Variants in USP7 observed in about 807,000 individuals in gnomAD.
USP7 encodes ubiquitin specific peptidase 7, also known as ubiquitin C-terminal hydrolase 7.
Under a neutral mutation model 162.9 loss-of-function variants are expected in USP7, and 9 were observed. The ratio of observed to expected loss-of-function variants is 0.06; its 90% CI spans 0.03 to 0.10. USP7 has a LOEUF of 0.10. USP7 is among the 10% of genes least tolerant of loss of function. USP7 has a pLI of 1.00. For synonymous variants in USP7, 562 were observed against 475.9 expected (o/e 1.18, Z -2.35); for missense variants, 715 against 1,373.7 (o/e 0.52, Z 7.58).
At chr16:8,920,541 A>T in intron 4 of USP7, 94 bp from the exon 5 acceptor site, 1 of 1,009,964 alleles carries the variant, frequency 9.9e-7, no homozygotes, top group South Asian at 1.7e-5. Flanking sequence ...CTTAATAGAG[A>T]TGAAAATACT....
At chr16:8,894,394 C>T (rs1190204359) in intron 30 of USP7, among the ~76,000 whole-genome samples, 156 bp downstream of exon 30, 2 of 152,268 alleles carry the variant, frequency 1.3e-5, no homozygotes, top group Admixed American at 6.5e-5. Context: ...GTTAAGAACT[C>T]GTAGGTTATG....
At chr16:8,946,221 T>C (rs1162711663) in intron 1 of USP7, among the ~76,000 whole-genome samples, 2 of 152,074 alleles carry the variant, frequency 1.3e-5, no homozygotes, top group African/African-American at 4.8e-5. Flanking sequence ...ACATCTGTCA[T>C]GATGGGTAGG....
chr16:8,904,592 C>T (rs2061828830), intron 14 of USP7, 27 bp from the exon 15 acceptor site: 1 of 1,611,572 alleles, frequency 6.2e-7, no homozygotes, highest in Non-Finnish European at 8.5e-7. Flanking sequence ...TCCTCTTTGA[C>T]CCCTGCAGAT....
intron 1 of USP7, among the ~76,000 whole-genome samples, chr16:8,952,066 A>G (rs1397185246): frequency 4.9e-5 from 1 of 20,442 alleles, no homozygotes; most frequent in African/African-American, 8.0e-5. Flanking sequence ...GTGTTTAAAT[A>G]AAAAAGTAGA....
In USP7 at chr16:8,921,091, C is replaced by T. The variant is rs1294929032; in HGVS notation, c.522+66G>A. The T allele has an allele frequency of 5.3e-6, 8 of 1,518,796 alleles. No individual in the cohort carries two copies. In the East Asian group the frequency reaches 1.6e-4, roughly 31 times the overall value. 94.1% of individuals were successfully genotyped at this position (1,518,796 alleles called of 1,614,324 possible). ...AAAATCAATAAAGGACTTGAAAAATCAAAAAGTTAAGGGAACAACAAGCAG... is the reference window on the plus strand; with the variant it reads ...AAAATCAATAAAGGACTTGAAAAATTAAAAAGTTAAGGGAACAACAAGCAG... On this transcript the variant is annotated intron_variant, in intron 4 of 30. Transcript: ENST00000344836.
chr16:8,936,260 C>T (rs970760426), intron 1 of USP7, among the ~76,000 whole-genome samples: 3 of 152,120 alleles, frequency 2.0e-5, no homozygotes, highest in African/African-American at 7.2e-5. Flanking sequence ...GGGCCAACAC[C>T]TGGTCTCTGG....
rs141856598 is a variant in USP7, at chr16:8,919,354, A to G, written c.612-215T>C. 2.9e-3 allele frequency among the ~76,000 whole-genome samples: 439 copies of G among 152,138 alleles called. 2 individuals carry two copies. The highest frequency in any genetic ancestry group is 1.0e-2 in the African/African-American group (415 of 41,502). On this transcript the variant is annotated intron_variant, in intron 5 of 30. Coordinates refer to ENST00000344836, the MANE Select transcript of USP7 (RefSeq NM_003470.3). ...CCCACATTCGCACAGCCCTCGAAGC[A>G]CCTGCCTGCTGACAGTGGCACTCCT...
intron 15 of USP7, among the ~76,000 whole-genome samples, chr16:8,904,045 C>G (rs1371691763): frequency 2.0e-5 from 3 of 152,184 alleles, no homozygotes; most frequent in Non-Finnish European, 4.4e-5. Context: ...ACTTCTCTGT[C>G]TGGTGGCCTG....
At chr16:8,920,138 C>A (rs1215503082) in intron 5 of USP7, among the ~76,000 whole-genome samples, 1 of 152,144 alleles carries the variant, frequency 6.6e-6, no homozygotes, top group African/African-American at 2.4e-5. Context: ...TGTCTAGTTG[C>A]CATAATTATA....
chr16:8,920,238 G>A (rs928399547), intron 5 of USP7, 121 bp downstream of exon 5: 3 of 821,574 alleles, frequency 3.7e-6, no homozygotes, highest in Non-Finnish European at 5.9e-6. Flanking sequence ...GTGCCACAGG[G>A]CAAGCGCAGA....
At position 8,894,656 on chromosome 16, in the gene USP7, T is replaced by G; in HGVS notation, c.3112-16A>C. On this transcript the variant is annotated splice_polypyrimidine_tract_variant and intron_variant, in intron 29 of 30. Transcript: ENST00000344836. ...CAAATTTAAACTAAAAGAAAAAAAA[T>G]TAAAACTCCTCCGTTATTTCTGTAT... is the stretch of plus-strand genomic sequence containing the variant. 1 of 1,611,736 alleles carries G rather than the reference T, an allele frequency of 6.2e-7. No individual in the cohort carries two copies. Among genetic ancestry groups the G allele is most frequent in the South Asian group, 1.1e-5 (1 of 90,938 alleles).
At chr16:8,962,562 G>A (rs753389617) in intron 1 of USP7, 8 of 414,222 alleles carry the variant, frequency 1.9e-5, no homozygotes, top group Non-Finnish European at 3.4e-5. Flanking sequence ...GCCGGATGCT[G>A]GCTGCACCAC....
At chr16:8,905,735 G>A (rs2061849466) in intron 13 of USP7, among the ~76,000 whole-genome samples, 1 of 152,198 alleles carries the variant, frequency 6.6e-6, no homozygotes, top group Non-Finnish European at 1.5e-5. Context: ...CAAACTAAAT[G>A]AGCTGTTTTA....
chr16:8,948,855 T>G (rs909932470), intron 1 of USP7, among the ~76,000 whole-genome samples: 7 of 152,090 alleles, frequency 4.6e-5, no homozygotes, highest in African/African-American at 1.7e-4. Flanking sequence ...TTCCAGCTAC[T>G]CGGGAGGCTG....
At chr16:8,902,649 G>A (rs565802796) in intron 16 of USP7, among the ~76,000 whole-genome samples, 167 bp from the exon 17 acceptor site, 5 of 152,064 alleles carry the variant, frequency 3.3e-5, no homozygotes, top group African/African-American at 4.8e-5. Flanking sequence ...CAGCACTTTC[G>A]GAGGCCGAGG....
intron 18 of USP7, 34 bp from the exon 19 acceptor site, chr16:8,901,268 C>A: frequency 1.4e-5 from 19 of 1,397,544 alleles, no homozygotes; most frequent in Non-Finnish European, 1.8e-5. Context: ...TGTTAAGATC[C>A]AAACACTCAG....
At chr16:8,921,856 A>G (rs1473254539) in intron 3 of USP7, among the ~76,000 whole-genome samples, 1 of 152,214 alleles carries the variant, frequency 6.6e-6, no homozygotes, top group Non-Finnish European at 1.5e-5. Context: ...AGGTTCAAAA[A>G]CCATACATAC....
chr16:8,922,121 T>C (rs1430745355), intron 3 of USP7, among the ~76,000 whole-genome samples: 2 of 152,164 alleles, frequency 1.3e-5, no homozygotes, highest in Non-Finnish European at 2.9e-5. Flanking sequence ...CACATCATAA[T>C]GTGAACAGAA....
Position 8,915,590 on chromosome 16 carries a change from A to C in USP7, c.907-65T>G, listed in dbSNP as rs1248159247. 9 of 1,338,884 alleles carry C rather than the reference A, an allele frequency of 6.7e-6. No homozygotes were observed. In the Admixed American group the frequency reaches 1.5e-4, roughly 23 times the overall value. 82.9% of individuals were successfully genotyped at this position (1,338,884 alleles called of 1,614,324 possible). ...ACTTAGTAATATATACAGTAATTTT[A>C]TAATTGACTAGAAATATCAATGTTC... On this transcript the variant is annotated intron_variant, in intron 8 of 30. Coordinates refer to ENST00000344836, the MANE Select transcript of USP7 (RefSeq NM_003470.3).
Sources: allele counts gnomAD v4.1 joint callset (sites outside exome capture counted in the v4.1 genomes callset), GRCh38; gene constraint gnomAD v4.1.1; transcripts MANE v1.5; gene names NCBI Gene and HGNC (gene_info 2026-07-23, HGNC 2026-07-21).